PSMB7: variants seen among roughly 807,000 people sequenced by gnomAD.
PSMB7 encodes proteasome subunit beta type-7.
Under a neutral mutation model 28.1 loss-of-function variants are expected in PSMB7, and 5 were observed. The observed-to-expected ratio is 0.18, with a 90% CI of 0.09 to 0.37. PSMB7 has a LOEUF of 0.37. Ranked by LOEUF, PSMB7 falls within the 10% of genes least tolerant of loss-of-function variation. PSMB7 has a pLI of 1.00. For missense variants in PSMB7, 275 were observed against 346.2 expected (o/e 0.79, Z 1.63); for synonymous variants, 122 against 123.7 (o/e 0.99, Z 0.09).
intron 6 of PSMB7, among the ~76,000 whole-genome samples, chr9:124,360,568 G>T (rs977423530): frequency 3.9e-5 from 6 of 152,262 alleles, no homozygotes; most frequent in Admixed American, 6.5e-5. Flanking sequence ...GTGGCGATGG[G>T]CGAGTAGGCC....
rs1052539687 is a variant in PSMB7, at chr9:124,414,767, G to C, written c.156+75C>G. On this transcript the variant is annotated intron_variant, in intron 2 of 7. Coordinates refer to ENST00000259457, the MANE Select transcript of PSMB7 (RefSeq NM_002799.4). ...TTTGCCTTTCCAGACCGAGCCGGGAGAGACACCGGAAGCCAAGTGTTCTGA... is the reference window on the plus strand; with the variant it reads ...TTTGCCTTTCCAGACCGAGCCGGGACAGACACCGGAAGCCAAGTGTTCTGA... The C allele has an allele frequency of 4.8e-6, 6 of 1,261,444 alleles. No individual in the cohort carries two copies. The East Asian group carries it at 1.4e-4, about 29-fold the overall frequency. The allele number at this position is 1,261,444 out of a possible 1,614,324, so 78.1% of individuals were successfully genotyped here.
intron 5 of PSMB7, among the ~76,000 whole-genome samples, chr9:124,405,051 A>G (rs1485121016): frequency 6.6e-6 from 1 of 152,146 alleles, no homozygotes; most frequent in Non-Finnish European, 1.5e-5. Flanking sequence ...TTATAAATAT[A>G]CTTCTCACAG....
intron 5 of PSMB7, among the ~76,000 whole-genome samples, chr9:124,395,528 T>A (rs1216698347): frequency 1.3e-5 from 2 of 152,086 alleles, no homozygotes; most frequent in African/African-American, 4.8e-5. Context: ...TATTATTTTT[T>A]AAAAAGATCT....
At chr9:124,378,535 C>T (rs78689468) in intron 6 of PSMB7, among the ~76,000 whole-genome samples, 4,969 of 152,222 alleles carry the variant, frequency 0.033, 284 homozygotes, top group African/African-American at 0.11. Flanking sequence ...GTCCTGCGCA[C>T]ACCACTACCC....
At chr9:124,363,359 T>C (rs968677315) in intron 6 of PSMB7, among the ~76,000 whole-genome samples, 2 of 152,154 alleles carry the variant, frequency 1.3e-5, no homozygotes, top group African/African-American at 2.4e-5. Flanking sequence ...TAATGGTTGA[T>C]GGTTGAATAC....
chr9:124,377,958 T>C (rs1438249584), intron 6 of PSMB7, among the ~76,000 whole-genome samples: 1 of 152,216 alleles, frequency 6.6e-6, no homozygotes, highest in East Asian at 1.9e-4. Context: ...CCTCAGGCAG[T>C]GGTAGAAGCT....
chr9:124,398,208 A>AG (rs1215257750), intron 5 of PSMB7, among the ~76,000 whole-genome samples: 1 of 151,544 alleles, frequency 6.6e-6, no homozygotes, highest in African/African-American at 2.4e-5. Flanking sequence ...AGCAATTCTG[A>AG]GTTCTCTCTC....
rs775103657 is a variant in PSMB7 at position 124,353,567 on chromosome 9, A to T, written c.*31T>A. ...TGGGCCTCAATGCTCACCACCTTCC[A>T]GAACCGCGGCCAGCCACCCACTGAT... On this transcript the variant is annotated 3_prime_UTR_variant, in exon 8 of 8. Transcript: ENST00000259457. 4 of 1,499,392 alleles carry T rather than the reference A, an allele frequency of 2.7e-6. No homozygotes were observed. The highest frequency in any genetic ancestry group is 3.7e-6 in the Non-Finnish European group (4 of 1,076,406). The allele number at this position is 1,499,392 out of a possible 1,614,324, so 92.9% of individuals were successfully genotyped here.
At chr9:124,404,673 G>A (rs1398228092) in intron 5 of PSMB7, among the ~76,000 whole-genome samples, 1 of 152,076 alleles carries the variant, frequency 6.6e-6, no homozygotes, top group Non-Finnish European at 1.5e-5. Flanking sequence ...CCAACATGGT[G>A]AAACCCCATC....
chr9:124,390,976 C>T (rs1268271387), intron 5 of PSMB7, among the ~76,000 whole-genome samples: 1 of 152,196 alleles, frequency 6.6e-6, no homozygotes, highest in Non-Finnish European at 1.5e-5. Context: ...TCCTGCCTAA[C>T]GTCCTTAGGA....
chr9:124,383,595 G>A (rs1449124900), intron 6 of PSMB7: 14 of 152,086 alleles, frequency 9.2e-5, no homozygotes, highest in Non-Finnish European at 1.2e-4. Context: ...ATGAGATGAC[G>A]GAAGAACAAA....
intron 4 of PSMB7, among the ~76,000 whole-genome samples, chr9:124,411,207 G>A (rs1326706041): frequency 6.6e-6 from 1 of 152,034 alleles, no homozygotes; most frequent in East Asian, 1.9e-4. Context: ...CCTTACCTCA[G>A]GTGATCCGCC....
intron 6 of PSMB7, among the ~76,000 whole-genome samples, chr9:124,373,129 C>A (rs1294095056): frequency 1.3e-5 from 2 of 152,190 alleles, no homozygotes; most frequent in African/African-American, 4.8e-5. Flanking sequence ...AACCTTTCAC[C>A]TTCAACAGAG....
rs532243263 is a variant in PSMB7, at chr9:124,409,894, G to A, written c.395+2458C>T. ...CCAAAAATGTTAAGAGGACATAAAAGACTATAATTATGCTGGTTTATATTT... is the reference window on the plus strand; with the variant it reads ...CCAAAAATGTTAAGAGGACATAAAAAACTATAATTATGCTGGTTTATATTT... On this transcript the variant is annotated intron_variant, in intron 4 of 7. Coordinates refer to ENST00000259457, the MANE Select transcript of PSMB7 (RefSeq NM_002799.4). Among the ~76,000 whole-genome samples the A allele has an allele frequency of 1.5e-4, 23 of 152,078 alleles. No homozygotes were observed. The East Asian group carries it at 2.7e-3, about 18-fold the overall frequency.
intron 5 of PSMB7, among the ~76,000 whole-genome samples, chr9:124,389,274 G>A (rs1269594170): frequency 6.6e-6 from 1 of 152,076 alleles, no homozygotes; most frequent in Non-Finnish European, 1.5e-5. Context: ...GGCCTTTCCT[G>A]GATTTCTGCA....
At chr9:124,377,541 T>C (rs142053990) in intron 6 of PSMB7, among the ~76,000 whole-genome samples, 6 of 152,312 alleles carry the variant, frequency 3.9e-5, no homozygotes, top group Admixed American at 2.6e-4. Context: ...GAAAACCATA[T>C]TGGTATCAAC....
At chr9:124,375,523 T>TC (rs1207745376) in intron 6 of PSMB7, among the ~76,000 whole-genome samples, 2 of 151,864 alleles carry the variant, frequency 1.3e-5, no homozygotes, top group African/African-American at 2.4e-5. Context: ...ATACACATTT[T>TC]TCCCCCCAGA....
intron 5 of PSMB7, among the ~76,000 whole-genome samples, chr9:124,401,353 A>G (rs1830904759): frequency 6.6e-6 from 1 of 152,260 alleles, no homozygotes; most frequent in African/African-American, 2.4e-5. Context: ...ATCACAATGC[A>G]TTCTTCTAGG....
At chr9:124,390,301 T>G (rs575816295) in intron 5 of PSMB7, among the ~76,000 whole-genome samples, 2 of 152,232 alleles carry the variant, frequency 1.3e-5, no homozygotes, top group East Asian at 3.9e-4. Flanking sequence ...CGATTGGAAA[T>G]CATACAGCTA....
Sources: allele counts gnomAD v4.1 joint callset (sites outside exome capture counted in the v4.1 genomes callset), GRCh38; gene constraint gnomAD v4.1.1; transcripts MANE v1.5; gene names NCBI Gene and HGNC (gene_info 2026-07-23, HGNC 2026-07-21).